SLC6A3: variants seen among roughly 807,000 people sequenced by gnomAD.
SLC6A3 encodes sodium-dependent dopamine transporter.
Under a neutral mutation model 70.4 loss-of-function variants are expected in SLC6A3, and 19 were observed. The observed-to-expected ratio is 0.27, with a 90% CI of 0.19 to 0.40. The LOEUF is 0.40. SLC6A3 is among the 10% of genes least tolerant of loss of function. SLC6A3 has a pLI of 1.00. For missense variants in SLC6A3, 613 were observed against 838.5 expected (o/e 0.73, Z 3.32); for synonymous variants, 368 against 356.6 (o/e 1.03, Z -0.36).
rs2126330855 is a variant in SLC6A3 at position 1,405,727 on chromosome 5, C to T, written c.1599+461G>A. On this transcript the variant is annotated intron_variant, in intron 12 of 14. Transcript: ENST00000270349. The surrounding 1 kb of genome is among the most constrained non-coding windows in gnomAD (Gnocchi z 5.3). Reference sequence around the variant, plus strand: ...GACAGAAGCAAGTGCCTACTGGACACAGTGATGCTGCTGAGCCAGAGGGAG... The same window carrying T: ...GACAGAAGCAAGTGCCTACTGGACATAGTGATGCTGCTGAGCCAGAGGGAG... Among the ~76,000 whole-genome samples the T allele has an allele frequency of 6.6e-6, 1 of 152,378 alleles. No individual in the cohort carries two copies. Among genetic ancestry groups the T allele is most frequent in the African/African-American group, 2.4e-5 (1 of 41,590 alleles).
intron 14 of SLC6A3, among the ~76,000 whole-genome samples, chr5:1,395,833 G>A (rs868543234): frequency 1.3e-5 from 2 of 152,238 alleles, no homozygotes; most frequent in African/African-American, 4.8e-5. Context: ...TGTCCTGCCC[G>A]CTGACAGAAG....
rs765143037 is a variant in SLC6A3 at position 1,442,840 on chromosome 5, G to A, written c.286+72C>T. 337 of 1,491,512 alleles carry A rather than the reference G, an allele frequency of 2.3e-4. No homozygotes were observed. Among genetic ancestry groups the A allele is most frequent in the Non-Finnish European group, 3.0e-4 (321 of 1,070,694 alleles). 92.4% of individuals were successfully genotyped at this position (1,491,512 alleles called of 1,614,324 possible). ...GAACAGCTTCATCTCGTTTCCGTAC[G>A]TGCCTTGGCCCCGGCTGCCCCTACG... On this transcript the variant is annotated intron_variant, in intron 2 of 14. Transcript: ENST00000270349. The surrounding 1 kb of genome is among the most constrained non-coding windows in gnomAD (Gnocchi z 5.0).
intron 8 of SLC6A3, among the ~76,000 whole-genome samples, chr5:1,414,004 G>A (rs1481956601): frequency 6.6e-6 from 1 of 152,186 alleles, no homozygotes. Context: ...CACCCTCTCG[G>A]AGACAACTCC....
At chr5:1,428,965 A>G (rs1337604165) in intron 4 of SLC6A3, among the ~76,000 whole-genome samples, 2 of 152,212 alleles carry the variant, frequency 1.3e-5, no homozygotes, top group Non-Finnish European at 2.9e-5. Flanking sequence ...AGGAAACTCA[A>G]TCCCTTTTGT....
intron 4 of SLC6A3, among the ~76,000 whole-genome samples, chr5:1,432,227 C>T (rs1230063101): frequency 6.6e-6 from 1 of 152,182 alleles, no homozygotes; most frequent in Admixed American, 6.5e-5. Context: ...AAGGGAGCTG[C>T]TCAGTGCCCC....
chr5:1,423,516 G>A (rs1336937896), intron 4 of SLC6A3, among the ~76,000 whole-genome samples: 1 of 152,252 alleles, frequency 6.6e-6, no homozygotes, highest in Admixed American at 6.5e-5. Flanking sequence ...CTGCTGCTAT[G>A]AGGATTCCAC....
chr5:1,428,288 T>C (rs1756616450), intron 4 of SLC6A3, among the ~76,000 whole-genome samples: 1 of 152,230 alleles, frequency 6.6e-6, no homozygotes, highest in Admixed American at 6.5e-5. Flanking sequence ...GGGAATACTT[T>C]GAACTGAATG....
chr5:1,421,081 C>T lies in SLC6A3; in HGVS notation c.793-378G>A, dbSNP rs1244702912. On this transcript the variant is annotated intron_variant, in intron 5 of 14. Transcript: ENST00000270349. The surrounding 1 kb of genome is among the most constrained non-coding windows in gnomAD (Gnocchi z 7.2). ...AGGGCTGCTCTGGGCTGTGTCCCTGCGGGAGGCTCCCGTGGCTGGTGCCAT... is the reference window on the plus strand; with the variant it reads ...AGGGCTGCTCTGGGCTGTGTCCCTGTGGGAGGCTCCCGTGGCTGGTGCCAT... Among the ~76,000 whole-genome samples, 1 of 151,934 alleles carries T rather than the reference C, an allele frequency of 6.6e-6. No homozygotes were observed. Among genetic ancestry groups the T allele is most frequent in the African/African-American group, 2.4e-5 (1 of 41,326 alleles).
At chr5:1,434,722 C>T (rs967500622) in intron 3 of SLC6A3, among the ~76,000 whole-genome samples, 2 of 152,190 alleles carry the variant, frequency 1.3e-5, no homozygotes, top group African/African-American at 4.8e-5. Flanking sequence ...TGCCGTCTTG[C>T]CTGTTCATGG....
intron 7 of SLC6A3, 23 bp from the exon 8 acceptor site, chr5:1,414,838 C>T (rs756305873): frequency 2.0e-5 from 33 of 1,612,764 alleles, no homozygotes; most frequent in Non-Finnish European, 2.7e-5. Context: ...GACACGCCGT[C>T]TCAGGAACCA....
Position 1,414,932 on chromosome 5 carries a change from G to T in SLC6A3, c.1032-117C>A, listed in dbSNP as rs1756247597. ...AAGGGGGCGGGAGGTCTTCGGAGGG[G>T]CTACTTTTCCCAGTGAGCACGGCCA... On this transcript the variant is annotated intron_variant, in intron 7 of 14. Transcript: ENST00000270349. 8.2e-6 allele frequency: 11 copies of T among 1,347,980 alleles called. No homozygotes were observed. In the Admixed American group the frequency reaches 1.5e-4, roughly 18 times the overall value. 83.5% of individuals were successfully genotyped at this position (1,347,980 alleles called of 1,614,324 possible).
In SLC6A3 at chr5:1,442,046, C is replaced by A. The variant is rs377218339; in HGVS notation, c.287-556G>T. ...GTTCCTCTGAAACCTGCACCTCCCC[C>A]ACCCCCAGCACAAAGCCCAGGGAAC... On this transcript the variant is annotated intron_variant, in intron 2 of 14. Transcript: ENST00000270349. This position sits in a 1 kb window ranked among gnomAD's most constrained non-coding sequence, Gnocchi z 5.0. 3.3e-5 allele frequency among the ~76,000 whole-genome samples: 5 copies of A among 152,166 alleles called. No homozygotes were observed. The highest frequency in any genetic ancestry group is 7.4e-5 in the Non-Finnish European group (5 of 68,022).
rs183653561 is a variant in SLC6A3, at chr5:1,413,013, C to A, written c.1157-1658G>T. 6.6e-6 allele frequency among the ~76,000 whole-genome samples: 1 copy of A among 152,346 alleles called. No individual in the cohort carries two copies. On this transcript the variant is annotated intron_variant, in intron 8 of 14. Coordinates refer to ENST00000270349, the MANE Select transcript of SLC6A3 (RefSeq NM_001044.5). This position sits in a 1 kb window ranked among gnomAD's most constrained non-coding sequence, Gnocchi z 7.1. The stretch of plus-strand genomic sequence containing the variant: ...CAGCTCAGGGAATGTAATGTCAACA[C>A]CCGTGCCTTCGTTTCTGTACCTAAG...
Position 1,394,834 on chromosome 5 carries a change from A to C in SLC6A3, c.1840-76T>G. The C allele has an allele frequency of 6.6e-7, 1 of 1,519,830 alleles. No individual in the cohort carries two copies. Among genetic ancestry groups the C allele is most frequent in the South Asian group, 1.1e-5 (1 of 89,158 alleles). The allele number at this position is 1,519,830 out of a possible 1,614,324, so 94.1% of individuals were successfully genotyped here. A position where few individuals can be genotyped will look rare whatever the true frequency, so the allele number is the denominator to read the frequency against. On this transcript the variant is annotated intron_variant, in intron 14 of 14. Transcript: ENST00000270349. The surrounding 1 kb of genome is among the most constrained non-coding windows in gnomAD (Gnocchi z 4.7). ...AGAGCAGCTGAAGGTGGCTAAGAGC[A>C]GCTGAAGGCAGTGAGCAGACAGTTT...
chr5:1,441,473 A>G lies in SLC6A3; in HGVS notation c.304T>C (p.Tyr102His). ...CCAGCAATGACCATGAAGAGCAGGT[A>G]GGGGACCAGGAAGGCACCTGTGGGG... ...KNGGGAFLVPYLLFMVIAGMP... is the reference protein window; with the variant it reads ...KNGGGAFLVPHLLFMVIAGMP... The change falls in exon 3 of 15, where the codon TAC (tyrosine) becomes CAC (histidine). Residue 102 changes from tyrosine to histidine, a missense_variant. Physicochemically the swap from Tyr to His is moderately conservative, Grantham distance 83. Around this residue, in one of 4 missense-constraint regions of SLC6A3, gnomAD observed 153 missense variants for 249.4 expected, o/e 0.61. Coordinates refer to ENST00000270349, the MANE Select transcript of SLC6A3 (RefSeq NM_001044.5). 1 of 1,614,130 alleles carries G rather than the reference A, an allele frequency of 6.2e-7. No homozygotes were observed. The highest frequency in any genetic ancestry group is 8.5e-7 in the Non-Finnish European group (1 of 1,180,008).
At chr5:1,412,754 GA>G (rs1301462177) in intron 8 of SLC6A3, among the ~76,000 whole-genome samples, 4 of 152,248 alleles carry the variant, frequency 2.6e-5, no homozygotes, top group Non-Finnish European at 5.9e-5. Context: ...TAGCCTGCAG[GA>G]ATAGGCCTGC....
At chr5:1,439,719 T>A (rs946597531) in intron 3 of SLC6A3, among the ~76,000 whole-genome samples, 3 of 152,260 alleles carry the variant, frequency 2.0e-5, no homozygotes, top group Non-Finnish European at 4.4e-5. Flanking sequence ...GACCTTCTAG[T>A]AGTCATTTTC....
chr5:1,426,060 G>A (rs530245695), intron 4 of SLC6A3, among the ~76,000 whole-genome samples: 35 of 152,252 alleles, frequency 2.3e-4, no homozygotes, highest in African/African-American at 8.2e-4. Flanking sequence ...CCCTTGTTCC[G>A]ATTTGCATCC....
Position 1,394,378 on chromosome 5 carries a change from A to G in SLC6A3, c.*357T>C, listed in dbSNP as rs188597255. On this transcript the variant is annotated 3_prime_UTR_variant, in exon 15 of 15. Coordinates refer to ENST00000270349, the MANE Select transcript of SLC6A3 (RefSeq NM_001044.5). The surrounding 1 kb of genome is among the most constrained non-coding windows in gnomAD (Gnocchi z 4.7). ...CAAGGATCGTGATCCCCGCCTGAGA[A>G]CACAGTGCCCCTGGGGCAGCCTCAG... is the stretch of plus-strand genomic sequence containing the variant. The G allele has an allele frequency of 6.5e-6, 3 of 459,286 alleles. No homozygotes were observed. The highest frequency in any genetic ancestry group is 3.9e-5 in the African/African-American group (2 of 50,694). The allele number at this position is 459,286 out of a possible 1,614,324, so 28.5% of individuals were successfully genotyped here.
Sources: gnomAD v4.1 joint callset for allele counts (sites outside exome capture counted in the v4.1 genomes callset) on GRCh38, gnomAD v4.1.1 for gene constraint, gnomAD v4.1.1 regional missense constraint, Gnocchi (gnomAD v3.1) non-coding constraint, MANE v1.5 for transcripts, NCBI Gene and HGNC (gene_info 2026-07-23, HGNC 2026-07-21) for gene names.